IL15: variants seen among roughly 807,000 people sequenced by gnomAD.
IL15 encodes interleukin-15.
IL15 carries 11 observed loss-of-function variants against 19.6 expected under a neutral mutation model. The observed-to-expected ratio is 0.56, with a 90% CI of 0.35 to 0.93. The LOEUF (loss-of-function observed/expected upper bound fraction) is 0.93. Ranked by LOEUF, IL15 falls within the 40% of genes least tolerant of loss-of-function variation. The probability of loss-of-function intolerance (pLI) is 0.01; values close to 1 mark genes in which losing one functional copy is unlikely to be tolerated. For synonymous variants in IL15, 58 were observed against 59.6 expected (o/e 0.97, Z 0.12); for missense variants, 197 against 186.5 (o/e 1.06, Z -0.33).
intron 7 of IL15, among the ~76,000 whole-genome samples, chr4:141,730,934 G>A (rs906121974): frequency 6.6e-6 from 1 of 152,164 alleles, no homozygotes; most frequent in African/African-American, 2.4e-5. Flanking sequence ...CAGCAAATGA[G>A]TAATAAGTTA....
chr4:141,641,747 G>C lies in IL15; in HGVS notation c.-222+4999G>C, dbSNP rs1003148368. 1.0e-3 allele frequency among the ~76,000 whole-genome samples: 151 copies of C among 150,474 alleles called. 1 individual carries two copies. The highest frequency in any genetic ancestry group is 3.3e-3 in the African/African-American group (134 of 41,026). On this transcript the variant is annotated intron_variant, in intron 1 of 7. Transcript: ENST00000320650. The stretch of plus-strand genomic sequence containing the variant: ...AGGAGATATACCTAATGTAAATGAC[G>C]AGTTAATGGGTGCAGCACACCAACA...
rs776458540 is a variant in IL15 at position 141,729,911 on chromosome 4, C to G, written c.305C>G (p.Ser102Cys). Residue 102 changes from serine to cysteine, a missense_variant, in exon 7 of 8, where the codon TCC becomes TGC. Ser to Cys is a moderately radical substitution (Grantham distance 112). Coordinates refer to ENST00000320650, the MANE Select transcript of IL15 (RefSeq NM_000585.5). ...LLELQVISLESGDASIHDTVE... is the reference protein window; with the variant it reads ...LLELQVISLECGDASIHDTVE... ...GAGTTACAAGTTATTTCACTTGAGT[C>G]CGGAGATGCAAGTATTCATGATACA... The G allele has an allele frequency of 1.3e-6, 2 of 1,585,784 alleles. No individual in the cohort carries two copies. Among genetic ancestry groups the G allele is most frequent in the Non-Finnish European group, 1.7e-6 (2 of 1,154,356 alleles).
chr4:141,720,415 A>G (rs1449106618), intron 3 of IL15, 54 bp from the exon 4 acceptor site: 1 of 881,396 alleles, frequency 1.1e-6, no homozygotes, highest in Non-Finnish European at 1.9e-6. Context: ...GTTATTTTAA[A>G]CCTCACTTTT....
At chr4:141,640,422 C>T (rs1727003515) in intron 1 of IL15, among the ~76,000 whole-genome samples, 1 of 152,084 alleles carries the variant, frequency 6.6e-6, no homozygotes, top group Admixed American at 6.5e-5. Flanking sequence ...TTTCGGATAT[C>T]ATATGCATTC....
chr4:141,678,766 T>G (rs911783753), intron 2 of IL15, among the ~76,000 whole-genome samples: 13 of 152,068 alleles, frequency 8.5e-5, no homozygotes, highest in African/African-American at 3.1e-4. Context: ...CACACCCGGC[T>G]AATTTTTGTA....
Position 141,659,721 on chromosome 4 carries a change from G to A in IL15, c.-100+3414G>A, listed in dbSNP as rs553397949. The stretch of plus-strand genomic sequence containing the variant: ...ATTCTGTGGCAAATAAGCTATGGCA[G>A]GGGAATTTTGCTTAAATGAAATCAT... On this transcript the variant is annotated intron_variant, in intron 2 of 7. Transcript: ENST00000320650. 2.6e-5 allele frequency among the ~76,000 whole-genome samples: 4 copies of A among 152,324 alleles called. 1 individual carries two copies. Among genetic ancestry groups the A allele is most frequent in the African/African-American group, 9.6e-5 (4 of 41,574 alleles).
At chr4:141,643,002 A>C (rs899521195) in intron 1 of IL15, among the ~76,000 whole-genome samples, 1 of 152,228 alleles carries the variant, frequency 6.6e-6, no homozygotes, top group African/African-American at 2.4e-5. Flanking sequence ...GGTAGGAAAC[A>C]TAAGTAATAT....
chr4:141,726,773 C>T (rs1730280310), intron 5 of IL15, among the ~76,000 whole-genome samples: 1 of 151,890 alleles, frequency 6.6e-6, no homozygotes, highest in Admixed American at 6.6e-5. Flanking sequence ...TAGTGATACC[C>T]ACAAGTTAGG....
chr4:141,683,457 G>A (rs1040394344), intron 2 of IL15, among the ~76,000 whole-genome samples: 2 of 151,180 alleles, frequency 1.3e-5, no homozygotes, highest in African/African-American at 4.9e-5. Flanking sequence ...TGTAGTCCCA[G>A]ATACTCGGAA....
intron 2 of IL15, among the ~76,000 whole-genome samples, chr4:141,667,399 G>A (rs766363585): frequency 2.0e-5 from 3 of 152,120 alleles, no homozygotes; most frequent in Non-Finnish European, 4.4e-5. Context: ...CTATTTCCAG[G>A]TAGAGAGTTG....
chr4:141,695,955 A>G (rs1729079238), intron 2 of IL15, among the ~76,000 whole-genome samples: 1 of 152,020 alleles, frequency 6.6e-6, no homozygotes, highest in Admixed American at 6.6e-5. Context: ...TTCATTTGAT[A>G]TAATCTCATT....
chr4:141,687,842 C>T lies in IL15; in HGVS notation c.-99-31524C>T, dbSNP rs192437686. Among the ~76,000 whole-genome samples, 48 of 152,196 alleles carry T rather than the reference C, an allele frequency of 3.2e-4. 1 individual carries two copies. The highest frequency in any genetic ancestry group is 5.9e-4 in the Non-Finnish European group (40 of 68,034). ...TGTGATAGAGCAAGTTTGTTTAATA[C>T]CTCATGATCATGTTAAGATCTAATC... On this transcript the variant is annotated intron_variant, in intron 2 of 7. Coordinates refer to ENST00000320650, the MANE Select transcript of IL15 (RefSeq NM_000585.5).
At chr4:141,707,179 A>C (rs1729544776) in intron 2 of IL15, among the ~76,000 whole-genome samples, 1 of 152,188 alleles carries the variant, frequency 6.6e-6, no homozygotes, top group East Asian at 1.9e-4. Context: ...TTCATGAAAG[A>C]TCTAGTCTAT....
intron 2 of IL15, among the ~76,000 whole-genome samples, chr4:141,705,188 C>T (rs780312747): frequency 6.6e-6 from 1 of 151,740 alleles, no homozygotes; most frequent in Non-Finnish European, 1.5e-5. Context: ...TACTAGAAAT[C>T]TTTCTTCTTT....
At chr4:141,710,434 T>C (rs994618067) in intron 2 of IL15, among the ~76,000 whole-genome samples, 1 of 152,208 alleles carries the variant, frequency 6.6e-6, no homozygotes, top group African/African-American at 2.4e-5. Context: ...GCATATCTTT[T>C]TTTTGTAATT....
At chr4:141,654,248 G>C (rs528549119) in intron 1 of IL15, among the ~76,000 whole-genome samples, 5 of 152,286 alleles carry the variant, frequency 3.3e-5, no homozygotes, top group Admixed American at 2.0e-4. Context: ...GCCCTTTGGG[G>C]ATGTTACAGC....
chr4:141,714,616 C>T (rs1729815246), intron 2 of IL15: 1 of 152,256 alleles, frequency 6.6e-6, no homozygotes, highest in Non-Finnish European at 1.5e-5. Flanking sequence ...GCCAAGCCCA[C>T]TGGTCAGTGC....
chr4:141,733,313 T>C lies in IL15; in HGVS notation c.*465T>C, dbSNP rs895051148. The C allele has an allele frequency of 6.5e-6, 1 of 153,300 alleles. No individual in the cohort carries two copies. The highest frequency in any genetic ancestry group is 2.4e-5 in the African/African-American group (1 of 41,456). The allele number at this position is 153,300 out of a possible 1,614,324, so 9.5% of individuals were successfully genotyped here. A position where few individuals can be genotyped will look rare whatever the true frequency, so the allele number is the denominator to read the frequency against. ...CCACTGACTACTGGCTCTCATTGAC[T>C]TCCTTACTAAGCATAGCAAACAGAG... is the stretch of plus-strand genomic sequence containing the variant. On this transcript the variant is annotated 3_prime_UTR_variant, in exon 8 of 8. Coordinates refer to ENST00000320650, the MANE Select transcript of IL15 (RefSeq NM_000585.5).
At chr4:141,675,711 T>C (rs2152169828) in intron 2 of IL15, among the ~76,000 whole-genome samples, 1 of 151,078 alleles carries the variant, frequency 6.6e-6, no homozygotes, top group Non-Finnish European at 1.5e-5. Flanking sequence ...AAATGAGGAC[T>C]GCCACTTTGA....
Sources: gnomAD v4.1 joint callset for allele counts (sites outside exome capture counted in the v4.1 genomes callset) on GRCh38, gnomAD v4.1.1 for gene constraint, MANE v1.5 for transcripts, NCBI Gene and HGNC (gene_info 2026-07-23, HGNC 2026-07-21) for gene names.